Variants in OCRL observed in about 807,000 individuals in gnomAD.
OCRL encodes the protein OCRL inositol polyphosphate-5-phosphatase.
Under a neutral mutation model 78.9 loss-of-function variants are expected in OCRL, and 8 were observed. The observed-to-expected ratio is 0.10, with a 90% CI of 0.06 to 0.18. The LOEUF (loss-of-function observed/expected upper bound fraction) is 0.18. OCRL is among the 10% of genes least tolerant of loss of function. The pLI is 1.00. For synonymous variants in OCRL, 240 were observed against 235.4 expected, an observed-to-expected ratio of 1.02 and a Z score of -0.18; for missense variants, 454 against 696.7, an observed-to-expected ratio of 0.65 and a Z score of 3.92.
At chrX:129,554,819 G>A (rs1432273150) in intron 4 of OCRL, among the ~76,000 whole-genome samples, 2 of 109,298 alleles carry the variant, frequency 1.8e-5, no homozygotes, top group Non-Finnish European at 3.8e-5. Context: ...GGGTGTGGTC[G>A]TGCGTGCCTG....
intron 18 of OCRL, among the ~76,000 whole-genome samples, chrX:129,577,017 A>G (rs1936378104): frequency 9.0e-6 from 1 of 111,560 alleles, no homozygotes; most frequent in African/African-American, 3.3e-5. Context: ...CCTGGCTCCC[A>G]GTTTAGTATT....
intron 10 of OCRL, 47 bp downstream of exon 10, chrX:129,561,340 T>A (rs1430793033): frequency 1.3e-6 from 1 of 761,683 alleles, no homozygotes; most frequent in African/African-American, 2.1e-5. Flanking sequence ...TAAATAGGGC[T>A]CACCGGGAGT....
chrX:129,550,760 T>A (rs1376168079), intron 4 of OCRL, among the ~76,000 whole-genome samples: 1 of 111,440 alleles, frequency 9.0e-6, no homozygotes, highest in African/African-American at 3.2e-5. Context: ...AACCTTAATA[T>A]CTATAAATAA....
At position 129,544,944 on chromosome X, in the gene OCRL, C is replaced by T. The variant is rs755278820; in HGVS notation, c.120-14C>T. Reference sequence around the variant, plus strand: ...TTCAGTGGCTGTTCTTTGATGCGTTCTTCTGTTTCCTAGGTTAATAATCCA... The same window carrying T: ...TTCAGTGGCTGTTCTTTGATGCGTTTTTCTGTTTCCTAGGTTAATAATCCA... On this transcript the variant is annotated splice_polypyrimidine_tract_variant and intron_variant, in intron 2 of 23. Transcript: ENST00000371113. 9.2e-7 allele frequency: 1 copy of T among 1,092,191 alleles called. No homozygotes were observed. The highest frequency in any genetic ancestry group is 1.3e-6 in the Non-Finnish European group (1 of 787,078). The allele number at this position is 1,092,191 out of a possible 1,213,427, so 90.0% of individuals were successfully genotyped here.
chrX:129,569,266 G>C lies in OCRL; in HGVS notation c.1469G>C (p.Gly490Ala). The change falls in exon 15 of 24, where the codon GGG becomes GCG. Residue 490 changes from glycine to alanine, a missense_variant and splice_region_variant. Around this residue, in one of 2 missense-constraint regions of OCRL, gnomAD observed 277 missense variants for 517.1 expected, o/e 0.54. Coordinates refer to ENST00000371113, the MANE Select transcript of OCRL (RefSeq NM_000276.4). Reference sequence around the variant, plus strand: ...ATAACTCGTTTCTTTACTTACAGTGGGAAATGCCGGGTTCCAGCCTGGTGT... The same window carrying C: ...ATAACTCGTTTCTTTACTTACAGTGCGAAATGCCGGGTTCCAGCCTGGTGT... Reference protein sequence around the residue: ...DSKTDRWDSSGKCRVPAWCDR... With the variant: ...DSKTDRWDSSAKCRVPAWCDR... The C allele has an allele frequency of 8.3e-7, 1 of 1,211,105 alleles. No individual in the cohort carries two copies. Among genetic ancestry groups the C allele is most frequent in the East Asian group, 3.0e-5 (1 of 33,852 alleles).
At chrX:129,550,227 G>A (rs1171401455) in intron 4 of OCRL, among the ~76,000 whole-genome samples, 1 of 112,030 alleles carries the variant, frequency 8.9e-6, no homozygotes, top group Non-Finnish European at 1.9e-5. Flanking sequence ...TTATTTTCCT[G>A]CAATCTAGAG....
At chrX:129,544,817 G>C (rs1333880825) in intron 2 of OCRL, 141 bp from the exon 3 acceptor site, 2 of 507,976 alleles carry the variant, frequency 3.9e-6, no homozygotes, top group Admixed American at 5.3e-5. Flanking sequence ...ATATCTAGCT[G>C]TCATGATGCT....
intron 18 of OCRL, among the ~76,000 whole-genome samples, chrX:129,580,251 T>C (rs1361725476): frequency 2.7e-5 from 3 of 112,471 alleles, no homozygotes; most frequent in Non-Finnish European, 5.6e-5. Context: ...CTTATTAATA[T>C]AGTGGGTGAG....
chrX:129,577,285 G>A (rs1196241190), intron 18 of OCRL, among the ~76,000 whole-genome samples: 2 of 111,323 alleles, frequency 1.8e-5, no homozygotes, highest in Non-Finnish European at 3.8e-5. Flanking sequence ...AAGAAAAGGA[G>A]GTTGATTTTC....
chrX:129,583,486 TC>T (rs1365881305), intron 18 of OCRL, among the ~76,000 whole-genome samples: 2 of 111,808 alleles, frequency 1.8e-5, no homozygotes, highest in African/African-American at 6.5e-5. Flanking sequence ...ATTTAAGCTT[TC>T]AGAGCCTCAG....
In OCRL at chrX:129,590,639, A is replaced by G. The variant is rs1193761483; in HGVS notation, c.*369A>G. On this transcript the variant is annotated 3_prime_UTR_variant, in exon 24 of 24. Transcript: ENST00000371113. The stretch of plus-strand genomic sequence containing the variant: ...GAGATCTTCCCATTCTAGGCCTACA[A>G]GCACTACTTGCTGTAGCTGAGACTT... 3 of 233,415 alleles carry G rather than the reference A, an allele frequency of 1.3e-5. No homozygotes were observed. The Admixed American group carries it at 1.9e-4, about 15-fold the overall frequency. 19.2% of individuals were successfully genotyped at this position (233,415 alleles called of 1,213,427 possible).
intron 4 of OCRL, among the ~76,000 whole-genome samples, chrX:129,555,475 A>G (rs1936031288): frequency 9.0e-6 from 1 of 111,717 alleles, no homozygotes; most frequent in African/African-American, 3.3e-5. Context: ...CTCCGTCTCA[A>G]AAAATAAATA....
intron 15 of OCRL, among the ~76,000 whole-genome samples, chrX:129,571,368 T>TTTTTTTTTTTTG (rs1936298981): frequency 9.8e-6 from 1 of 101,637 alleles, no homozygotes; most frequent in African/African-American, 3.6e-5. Context: ...TTTTGGTTTT[T>TTTTTTTTTTTTG]TTTTTTTTTT....
intron 3 of OCRL, among the ~76,000 whole-genome samples, chrX:129,547,287 A>C (rs1197546095): frequency 9.1e-6 from 1 of 110,379 alleles, no homozygotes; most frequent in African/African-American, 3.3e-5. Context: ...GCACTTTGGG[A>C]GGCCAAGGTG....
Position 129,548,565 on chromosome X carries a change from G to A in OCRL, c.202G>A (p.Ala68Thr). The stretch of plus-strand genomic sequence containing the variant: ...CTCTCTTTTTTTTCCCCTCTCAGAA[G>A]CAGAAGAAACTCTTTTGATTGACAT... ...INSHFRCVQE[A>T]EETLLIDIAS... is the part of the protein sequence containing the mutation. The change falls in exon 4 of 24, where the codon GCA (alanine) becomes ACA (threonine). Residue 68 changes from alanine (A) to threonine (T), a missense_variant and splice_region_variant. Physicochemically the swap from Ala to Thr is moderately conservative, Grantham distance 58. Transcript: ENST00000371113. 8.3e-7 allele frequency: 1 copy of A among 1,202,292 alleles called. No individual in the cohort carries two copies. The highest frequency in any genetic ancestry group is 1.1e-6 in the Non-Finnish European group (1 of 887,236).
At chrX:129,564,623 A>G (rs1195697517) in intron 12 of OCRL, among the ~76,000 whole-genome samples, 30 of 110,962 alleles carry the variant, frequency 2.7e-4, no homozygotes, top group Middle Eastern at 4.6e-3. Context: ...TCGCAAGAAC[A>G]AAAAACCAAA....
intron 18 of OCRL, 43 bp from the exon 19 acceptor site, chrX:129,584,301 T>TTA (rs1569463030): frequency 1.7e-6 from 2 of 1,161,043 alleles, no homozygotes; most frequent in Non-Finnish European, 2.4e-6. Flanking sequence ...ATTCTAATCA[T>TTA]ATTCTGTCTG....
intron 14 of OCRL, 138 bp from the exon 15 acceptor site, chrX:129,569,124 CAG>C (rs1602793374): frequency 1.5e-6 from 1 of 682,823 alleles, no homozygotes. Flanking sequence ...GGGAGGATGA[CAG>C]GGGTTGTTAG....
At position 129,585,649 on chromosome X, in the gene OCRL, C is replaced by T. The variant is rs1202390928; in HGVS notation, c.2139+1282C>T. On this transcript the variant is annotated intron_variant, in intron 19 of 23. Transcript: ENST00000371113. ...TAGACATTCTGGCAACTATTAGGAA[C>T]ATGAATATCAAGTGATAGAATCCCA... Among the ~76,000 whole-genome samples the T allele has an allele frequency of 5.4e-5, 6 of 111,393 alleles. No individual in the cohort carries two copies. In the Admixed American group the frequency reaches 5.8e-4, roughly 11 times the overall value.
Sources: allele counts gnomAD v4.1 joint callset (sites outside exome capture counted in the v4.1 genomes callset), GRCh38; gene constraint gnomAD v4.1.1; regional missense constraint gnomAD v4.1.1; transcripts MANE v1.5; gene names NCBI Gene and HGNC (gene_info 2026-07-23, HGNC 2026-07-21).